Variants in C2orf80 observed in about 807,000 individuals in gnomAD.
C2orf80 encodes the protein uncharacterized protein C2orf80.
C2orf80 carries 28 observed loss-of-function variants against 30.2 expected under a neutral mutation model. That is an observed-to-expected ratio of 0.93 (90% CI 0.69 to 1.27). C2orf80 has a LOEUF of 1.27. C2orf80 is among the 50% of genes most tolerant of loss of function. The probability of loss-of-function intolerance (pLI) is 0.00; values close to 1 mark genes in which losing one functional copy is unlikely to be tolerated. For synonymous variants in C2orf80, 80 were observed against 76.4 expected, an observed-to-expected ratio of 1.05 and a Z score of -0.24; for missense variants, 220 against 231.0, an observed-to-expected ratio of 0.95 and a Z score of 0.31.
At chr2:208,180,381 G>A (rs1244738871) in intron 6 of C2orf80, among the ~76,000 whole-genome samples, 7 of 151,560 alleles carry the variant, frequency 4.6e-5, no homozygotes, top group Non-Finnish European at 8.8e-5. Context: ...AACCCAGGAG[G>A]CAGAAGTGCA....
chr2:208,168,426 C>A (rs1006197570), intron 8 of C2orf80: 1 of 256,456 alleles, frequency 3.9e-6, no homozygotes. Context: ...GTAATCCCAG[C>A]GCTTTGGGAG....
intron 8 of C2orf80, among the ~76,000 whole-genome samples, chr2:208,168,891 T>G (rs2105890301): frequency 6.6e-6 from 1 of 151,486 alleles, no homozygotes; most frequent in Admixed American, 6.6e-5. Context: ...TCCCCAGAAC[T>G]GAGCCTTTGA....
At chr2:208,176,975 A>C (rs1454580597) in intron 6 of C2orf80, among the ~76,000 whole-genome samples, 141 of 10,574 alleles carry the variant, frequency 0.013, 1 homozygote, top group African/African-American at 0.02. Context: ...GTATACATAT[A>C]TACAGAAATG....
intron 6 of C2orf80, among the ~76,000 whole-genome samples, chr2:208,175,483 C>G (rs1251280232): frequency 2.0e-5 from 3 of 152,160 alleles, no homozygotes; most frequent in Non-Finnish European, 4.4e-5. Flanking sequence ...GGTGAGCAAT[C>G]CCGCGCCTAT....
At chr2:208,170,839 A>G (rs970047904) in intron 8 of C2orf80, 106 bp downstream of exon 8, 8 of 862,732 alleles carry the variant, frequency 9.3e-6, no homozygotes, top group Middle Eastern at 2.3e-4. Flanking sequence ...CTAGATTCAA[A>G]CCCAGAGCAC....
At chr2:208,166,657 C>CTT (rs984240834) in intron 8 of C2orf80, among the ~76,000 whole-genome samples, 2 of 148,814 alleles carry the variant, frequency 1.3e-5, no homozygotes, top group Admixed American at 6.7e-5. Context: ...TGTCCTGACA[C>CTT]TTTTTTTTTT....
rs201967609 is a variant in C2orf80, at chr2:208,181,259, G to A, written c.253C>T (p.Arg85Ter). 197 of 1,611,034 alleles carry A rather than the reference G, an allele frequency of 1.2e-4. No homozygotes were observed. Among genetic ancestry groups the A allele is most frequent in the Middle Eastern group, 1.7e-4 (1 of 6,052 alleles). The change falls in exon 5 of 9, where the codon CGA becomes TGA. Residue 85 changes from arginine (R) to a stop codon, truncating the protein, a stop_gained. Coordinates refer to ENST00000341287, the MANE Select transcript of C2orf80 (RefSeq NM_001099334.3). LOFTEE classifies it high-confidence loss of function. ...GRPIYPNRRE[R>*]EAMILSSYAG... ...TAAGATGATAAAATCATAGCTTCTC[G>A]TTCTCTACGATTTGGATATATGGGT...
chr2:208,183,842 A>G (rs538616214), intron 3 of C2orf80, among the ~76,000 whole-genome samples: 1 of 152,172 alleles, frequency 6.6e-6, no homozygotes, highest in Non-Finnish European at 1.5e-5. Context: ...TATCATGGTG[A>G]CCACCTTTTC....
intron 8 of C2orf80, among the ~76,000 whole-genome samples, chr2:208,166,032 C>T (rs1695876530): frequency 6.6e-6 from 1 of 152,036 alleles, no homozygotes; most frequent in Non-Finnish European, 1.5e-5. Flanking sequence ...TATGTGATCC[C>T]ATACTGGATC....
At chr2:208,178,107 C>T (rs749068150) in intron 6 of C2orf80, among the ~76,000 whole-genome samples, 5 of 152,084 alleles carry the variant, frequency 3.3e-5, no homozygotes, top group Admixed American at 6.6e-5. Flanking sequence ...CATGAGCTAC[C>T]GCGCCCAGCC....
At chr2:208,187,538 G>GA (rs1465622654) in intron 1 of C2orf80, among the ~76,000 whole-genome samples, 1 of 152,074 alleles carries the variant, frequency 6.6e-6, no homozygotes, top group African/African-American at 2.4e-5. Flanking sequence ...ATGGTTATGG[G>GA]AAATATGTCT....
chr2:208,172,155 A>G (rs1289850724), intron 6 of C2orf80, 80 bp from the exon 7 acceptor site: 3 of 1,124,666 alleles, frequency 2.7e-6, no homozygotes, highest in Non-Finnish European at 4.1e-6. Context: ...CATTTGGCCT[A>G]TTTAATCAAC....
chr2:208,185,331 C>G (rs1192988824), intron 2 of C2orf80, among the ~76,000 whole-genome samples: 1 of 152,154 alleles, frequency 6.6e-6, no homozygotes, highest in East Asian at 1.9e-4. Context: ...AATGGTTTTA[C>G]AAGACCAAAA....
intron 6 of C2orf80, among the ~76,000 whole-genome samples, chr2:208,174,014 G>A (rs185722537): frequency 2.1e-4 from 32 of 152,078 alleles, no homozygotes; most frequent in Middle Eastern, 3.4e-3. Flanking sequence ...GTGCAGTGGC[G>A]AGATCTTGGC....
chr2:208,182,922 G>C (rs1307662611), intron 4 of C2orf80, 43 bp downstream of exon 4: 2 of 1,449,344 alleles, frequency 1.4e-6, no homozygotes, highest in Non-Finnish European at 1.9e-6. Flanking sequence ...ATTAATCATA[G>C]GCACAAATTA....
chr2:208,186,946 A>G lies in C2orf80; in HGVS notation c.41T>C (p.Leu14Ser), dbSNP rs1277836089. Residue 14 changes from leucine to serine, a missense_variant and splice_region_variant, in exon 2 of 9, where the codon TTG becomes TCG. By Grantham distance (145) the Leu-to-Ser change is moderately radical. Transcript: ENST00000341287. Reference protein sequence around the residue: ...RLIKKEMKKLLGDYIGIRLRE... With the variant: ...RLIKKEMKKLSGDYIGIRLRE... ...GAAAGTTATTCTCAGTCATACTTAC[A>G]AGAGCTTTTTCATTTCCTTCTTTAT... is the stretch of plus-strand genomic sequence containing the variant. The G allele has an allele frequency of 6.2e-7, 1 of 1,613,656 alleles. No individual in the cohort carries two copies. The highest frequency in any genetic ancestry group is 2.2e-5 in the East Asian group (1 of 44,882).
intron 6 of C2orf80, among the ~76,000 whole-genome samples, chr2:208,172,384 T>C (rs1696130799): frequency 6.6e-6 from 1 of 152,116 alleles, no homozygotes; most frequent in South Asian, 2.1e-4. Flanking sequence ...GGCACCTACC[T>C]CTCTTTTATC....
At chr2:208,183,645 C>G (rs1035324721) in intron 3 of C2orf80, among the ~76,000 whole-genome samples, 2 of 152,156 alleles carry the variant, frequency 1.3e-5, no homozygotes, top group South Asian at 2.1e-4. Context: ...GAGAGGGAAG[C>G]TGCATTGGAG....
intron 6 of C2orf80, among the ~76,000 whole-genome samples, chr2:208,179,055 G>A (rs939827491): frequency 6.6e-6 from 1 of 152,048 alleles, no homozygotes; most frequent in Admixed American, 6.6e-5. Flanking sequence ...CACTGCAAAC[G>A]GCCTGCAAAA....
Sources: allele counts gnomAD v4.1 joint callset (sites outside exome capture counted in the v4.1 genomes callset), GRCh38; gene constraint gnomAD v4.1.1; transcripts MANE v1.5; gene names NCBI Gene and HGNC (gene_info 2026-07-23, HGNC 2026-07-21).